The following MEIS3 variants were observed in gnomAD, a reference collection of about 807,000 sequenced individuals.
MEIS3 encodes the protein homeobox protein Meis3.
Under a neutral mutation model 51.4 loss-of-function variants are expected in MEIS3, and 38 were observed. That is an observed-to-expected ratio of 0.74 (90% confidence interval 0.57 to 0.97). The LOEUF is 0.97. MEIS3 is among the 50% of genes least tolerant of loss of function. The pLI is 0.00. For missense variants in MEIS3, 456 were observed against 502.6 expected (o/e 0.91, Z 0.89); for synonymous variants, 198 against 201.8 (o/e 0.98, Z 0.16).
chr19:47,421,948 C>T (rs775918971), upstream of MEIS3, among the ~76,000 whole-genome samples: 62 of 151,926 alleles, frequency 4.1e-4, no homozygotes, highest in Admixed American at 9.8e-4. Context: ...TGGCTCTCTC[C>T]CCTCTCCTCC....
Position 47,407,356 on chromosome 19 carries a change from T to A in MEIS3, c.931A>T (p.Asn311Tyr). The A allele has an allele frequency of 6.2e-7, 1 of 1,613,038 alleles. No individual in the cohort carries two copies. The highest frequency in any genetic ancestry group is 1.1e-5 in the South Asian group (1 of 91,036). Reference sequence around the variant, plus strand: ...GGGCCCTCCTGGGCCACTCACCAGTTGTTGACTTGCAGGATGGTGAGCCCC... The same window carrying A: ...GGGCCCTCCTGGGCCACTCACCAGTAGTTGACTTGCAGGATGGTGAGCCCC... ...DTGLTILQVN[N>Y]WFINARRRIV... Residue 311 changes from asparagine (N) to tyrosine (Y), a missense_variant, in exon 9 of 13, where the codon AAC (asparagine) becomes TAC (tyrosine). By Grantham distance (143) the Asn-to-Tyr change is moderately radical. Coordinates refer to ENST00000558555, the MANE Select transcript of MEIS3 (RefSeq NM_001301059.2).
At chr19:47,407,308 G>T (rs953876911) in intron 9 of MEIS3, 44 bp downstream of exon 9, 1 of 1,593,608 alleles carries the variant, frequency 6.3e-7, no homozygotes, top group African/African-American at 1.4e-5. Context: ...CAGCGCCCGG[G>T]CTCTCGCCCC....
Position 47,417,312 on chromosome 19 carries a change from G to T in MEIS3, c.51C>A (p.Gly17=). Residue 17 remains glycine (G), a synonymous_variant, in exon 2 of 13, where the codon GGC becomes GGA. Transcript: ENST00000558555. ...CTGGGAAGCTAGCCAGGGCTGCGGG[G>T]CCATCCACGATGCCTGGGTAGTGCG... ...ELPHYPGIVD[G]PAALASFPET... 6.2e-7 allele frequency: 1 copy of T among 1,613,796 alleles called. No individual in the cohort carries two copies. Among genetic ancestry groups the T allele is most frequent in the East Asian group, 2.2e-5 (1 of 44,888 alleles).
intron 8 of MEIS3, 133 bp downstream of exon 8, chr19:47,408,966 C>T (rs1037631886): frequency 9.8e-7 from 1 of 1,019,682 alleles, no homozygotes; most frequent in African/African-American, 1.6e-5. Context: ...CAATTCTCCA[C>T]CTCCATGAGA....
chr19:47,403,964 G>A (rs1354787826), intron 12 of MEIS3, among the ~76,000 whole-genome samples: 1 of 152,132 alleles, frequency 6.6e-6, no homozygotes, highest in African/African-American at 2.4e-5. Flanking sequence ...CACTTTGGGA[G>A]GCAGAGGCAG....
intron 9 of MEIS3, 81 bp downstream of exon 9, chr19:47,407,271 G>A: frequency 3.9e-6 from 6 of 1,526,762 alleles, no homozygotes; most frequent in Non-Finnish European, 5.3e-6. Context: ...GCTCTGCGGG[G>A]CTCGGGGCCT....
intron 12 of MEIS3, chr19:47,406,085 G>C: frequency 5.7e-6 from 1 of 176,858 alleles, no homozygotes; most frequent in South Asian, 1.5e-4. Flanking sequence ...AGATGGATGA[G>C]TGGGTTGGCG....
rs188004263 is a variant in MEIS3, at chr19:47,410,431, T to C, written c.598-884A>G. ...CCACTGCACTCCAGCCTGGCCGGGG[T>C]GACAAAGTGAGACTACGTCTCAAAA... On this transcript the variant is annotated intron_variant, in intron 6 of 12. Coordinates refer to ENST00000558555, the MANE Select transcript of MEIS3 (RefSeq NM_001301059.2). Among the ~76,000 whole-genome samples, 1,104 of 111,050 alleles carry C rather than the reference T, an allele frequency of 9.9e-3. 9 individuals are homozygous for C. Among genetic ancestry groups the C allele is most frequent in the African/African-American group, 0.037 (1,026 of 28,014 alleles). 72.9% of individuals were successfully genotyped at this position (111,050 alleles called of 152,430 possible). A position where few individuals can be genotyped will look rare whatever the true frequency, so the allele number is the denominator to read the frequency against.
intron 12 of MEIS3, 151 bp downstream of exon 12, chr19:47,406,305 GGACA>G: frequency 1.8e-6 from 1 of 563,298 alleles, no homozygotes. Context: ...ATGGACGGAC[GGACA>G]GATGGATGAA....
Position 47,416,649 on chromosome 19 carries a change from C to T in MEIS3, c.396+3G>A. On this transcript the variant is annotated splice_donor_region_variant and intron_variant, in intron 4 of 12. Transcript: ENST00000558555. The stretch of plus-strand genomic sequence containing the variant: ...GGGGTGTGGGGGAGGGCTCGGGTCT[C>T]ACCAGATTGTCCAGTTCTGGGTTGG... The T allele has an allele frequency of 6.5e-7, 1 of 1,536,388 alleles. No homozygotes were observed. The highest frequency in any genetic ancestry group is 8.8e-7 in the Non-Finnish European group (1 of 1,138,888).
At chr19:47,414,896 C>A (rs1339947247) in intron 5 of MEIS3, 30 bp from the exon 6 acceptor site, 5 of 1,492,744 alleles carry the variant, frequency 3.3e-6, no homozygotes, top group Non-Finnish European at 4.6e-6. Context: ...CTGGGGGGGG[C>A]CACCCACGGG....
chr19:47,414,653 C>G (rs1268786620), intron 6 of MEIS3, 64 bp downstream of exon 6: 18 of 1,529,238 alleles, frequency 1.2e-5, no homozygotes, highest in Admixed American at 4.0e-5. Context: ...CACATGCGCC[C>G]TCATGCGGTG....
chr19:47,419,692 G>T (rs556288208), upstream of MEIS3, among the ~76,000 whole-genome samples: 3 of 150,742 alleles, frequency 2.0e-5, no homozygotes, highest in African/African-American at 7.3e-5. Flanking sequence ...GGAAGAGACC[G>T]CGGCCCTGGT....
rs180757584 is a variant in MEIS3 at position 47,418,636 on chromosome 19, G to T, written c.12+434C>A. 314 of 157,266 alleles carry T rather than the reference G, an allele frequency of 2.0e-3. 4 individuals carry two copies. Among genetic ancestry groups the T allele is most frequent in the Admixed American group, 0.019 (298 of 15,330 alleles). The allele number at this position is 157,266 out of a possible 1,614,324, so 9.7% of individuals were successfully genotyped here. Reference sequence around the variant, plus strand: ...AAGGACGGAGGAGAGCAGAAAAAAGGGGGGACGGTGAGGTGCGGGCGGCTG... The same window carrying T: ...AAGGACGGAGGAGAGCAGAAAAAAGTGGGGACGGTGAGGTGCGGGCGGCTG... On this transcript the variant is annotated intron_variant, in intron 1 of 12. Transcript: ENST00000558555.
upstream of MEIS3, among the ~76,000 whole-genome samples, chr19:47,419,891 G>A (rs980991157): frequency 1.3e-5 from 2 of 152,238 alleles, no homozygotes; most frequent in Middle Eastern, 3.4e-3. Flanking sequence ...CATCTCCAGG[G>A]GTCACGTGGG....
upstream of MEIS3, among the ~76,000 whole-genome samples, chr19:47,421,100 C>G (rs1304440423): frequency 6.6e-6 from 1 of 151,954 alleles, no homozygotes; most frequent in Non-Finnish European, 1.5e-5. Context: ...CCTGTCGGCT[C>G]TTCGAGGGTG....
At chr19:47,412,776 G>A (rs973932834) in intron 6 of MEIS3, among the ~76,000 whole-genome samples, 5 of 151,894 alleles carry the variant, frequency 3.3e-5, no homozygotes, top group Non-Finnish European at 5.9e-5. Context: ...CACCATGTTG[G>A]CCTGGCTGGT....
At chr19:47,414,595 G>A (rs923357248) in intron 6 of MEIS3, 122 bp downstream of exon 6, 18 of 1,176,792 alleles carry the variant, frequency 1.5e-5, no homozygotes, top group South Asian at 3.0e-5. Context: ...GTGCATATGC[G>A]TGCCCTGTGA....
At chr19:47,413,420 G>A (rs1021764004) in intron 6 of MEIS3, among the ~76,000 whole-genome samples, 2 of 151,862 alleles carry the variant, frequency 1.3e-5, no homozygotes, top group Non-Finnish European at 2.9e-5. Flanking sequence ...AAATGTCTCC[G>A]GGACTGTGTC....
Sources: gnomAD v4.1 joint callset for allele counts (sites outside exome capture counted in the v4.1 genomes callset) on GRCh38, gnomAD v4.1.1 for gene constraint, MANE v1.5 for transcripts, NCBI Gene and HGNC (gene_info 2026-07-23, HGNC 2026-07-21) for gene names.